IRX4: variants seen among roughly 807,000 people sequenced by gnomAD.
The protein encoded by IRX4 is iroquois-class homeodomain protein IRX-4.
IRX4 carries 22 observed loss-of-function variants against 32.0 expected under a neutral mutation model. The observed-to-expected ratio is 0.69, with a 90% CI of 0.49 to 0.98. The LOEUF (loss-of-function observed/expected upper bound fraction) is 0.98. IRX4 is among the 50% of genes least tolerant of loss of function. The pLI is 0.00. For missense variants in IRX4, 840 were observed against 744.2 expected (o/e 1.13, Z -1.50); for synonymous variants, 379 against 351.7 (o/e 1.08, Z -0.87).
rs561704242 is a variant in IRX4, at chr5:1,878,734, C to G, written c.795G>C (p.Pro265=). ...CGCACGCCGGCGGCTCTGCTTCCAG[C>G]GGGTCGAAGTCGTCCAAGTCACTAA... is the stretch of plus-strand genomic sequence containing the variant. ...LELSDLDDFD[P]LEAEPPACEL... Residue 265 remains proline, a synonymous_variant, in exon 5 of 5, where the codon CCG becomes CCC. Coordinates refer to ENST00000231357, the MANE Select transcript of IRX4 (RefSeq NM_016358.3). The G allele has an allele frequency of 4.3e-6, 7 of 1,613,006 alleles. No individual in the cohort carries two copies. The East Asian group carries it at 1.3e-4, about 31-fold the overall frequency.
chr5:1,880,188 A>T, intron 3 of IRX4: 1 of 1,447,642 alleles, frequency 6.9e-7, no homozygotes, highest in Non-Finnish European at 9.3e-7. Context: ...ACACCCTGAG[A>T]TGTAACACGT....
intron 1 of IRX4, 42 bp from the exon 2 acceptor site, chr5:1,882,101 G>C: frequency 6.5e-7 from 1 of 1,533,610 alleles, no homozygotes; most frequent in Non-Finnish European, 8.7e-7. Flanking sequence ...AGCCGGGCTG[G>C]AGGCTGGGGC....
At chr5:1,886,676 C>A (rs531673828), upstream of IRX4, among the ~76,000 whole-genome samples, 275 of 152,220 alleles carry the variant, frequency 1.8e-3, 2 homozygotes, top group African/African-American at 6.4e-3. Context: ...TCCGGGCGTC[C>A]AGGACTCAGG....
chr5:1,880,087 A>G, intron 3 of IRX4: 1 of 1,535,380 alleles, frequency 6.5e-7, no homozygotes, highest in Non-Finnish European at 8.7e-7. Context: ...GCTCCTTCCC[A>G]AGCCAGAGAG....
intron 4 of IRX4, 141 bp downstream of exon 4, chr5:1,879,363 C>G (rs980989076): frequency 7.4e-7 from 1 of 1,359,118 alleles, no homozygotes; most frequent in African/African-American, 1.4e-5. Flanking sequence ...CATTGGTAGC[C>G]TGAGGCAGAA....
chr5:1,881,694 C>A, intron 2 of IRX4, 114 bp downstream of exon 2: 1 of 1,307,156 alleles, frequency 7.7e-7, no homozygotes, highest in East Asian at 2.5e-5. Flanking sequence ...CCAAGGTGAG[C>A]GCCTCCCCTC....
rs751298529 is a variant in IRX4 at position 1,879,501 on chromosome 5, C to T, written c.736+3G>A. 1.0e-4 allele frequency: 169 copies of T among 1,612,948 alleles called. 1 individual carries two copies. In the South Asian group the frequency reaches 1.6e-3, roughly 15 times the overall value. On this transcript the variant is annotated splice_donor_region_variant and intron_variant, in intron 4 of 4. Transcript: ENST00000231357. ...AGCCCCCAGTGACAACCTCCCAACC[C>T]ACCTGCGTTCTTGGAGCTCTTGAGG...
chr5:1,882,617 A>C lies in IRX4; in HGVS notation c.31T>G (p.Ser11Ala). 6.9e-7 allele frequency: 1 copy of C among 1,450,440 alleles called. No individual in the cohort carries two copies. The highest frequency in any genetic ancestry group is 3.0e-5 in the Admixed American group (1 of 33,614). The allele number at this position is 1,450,440 out of a possible 1,614,324, so 89.8% of individuals were successfully genotyped here. Residue 11 changes from serine (S) to alanine (A), a missense_variant, in exon 1 of 5, where the codon TCC (serine) becomes GCC (alanine). This residue lies in a region of IRX4 where 241 missense variants were observed against 220.8 expected (regional missense o/e 1.09). Transcript: ENST00000231357. Reference sequence around the variant, plus strand: ...GCTCCGCTTACCTGGGGAGCCGAGGAGTAGGGGTATCCAAACTGCGGGTAG... The same window carrying C: ...GCTCCGCTTACCTGGGGAGCCGAGGCGTAGGGGTATCCAAACTGCGGGTAG... The part of the protein sequence containing the change: MSYPQFGYPY[S>A]SAPQFLMATN...
intron 3 of IRX4, 142 bp downstream of exon 3, chr5:1,880,583 C>T (rs1454929603): frequency 3.2e-6 from 2 of 632,222 alleles, no homozygotes; most frequent in Non-Finnish European, 5.7e-6. Context: ...AGACCACAGA[C>T]TCAGGTCATG....
rs1315022288 is a variant in IRX4, at chr5:1,882,887, C to T, written c.-240G>A. ...CGGAGGCTCGAGGGGGCTCTGGGAC[C>T]GAGCGGCCTCGCAGCGGCGACAGAA... On this transcript the variant is annotated 5_prime_UTR_variant, in exon 1 of 5. Transcript: ENST00000231357. 11 of 380,024 alleles carry T rather than the reference C, an allele frequency of 2.9e-5. No homozygotes were observed. Among genetic ancestry groups the T allele is most frequent in the Non-Finnish European group, 5.1e-5 (11 of 214,948 alleles). The allele number at this position is 380,024 out of a possible 1,614,324, so 23.5% of individuals were successfully genotyped here.
rs757910355 is a variant in IRX4, at chr5:1,878,103, C to T, written c.1426G>A (p.Ala476Thr). Residue 476 changes from alanine to threonine, a missense_variant, in exon 5 of 5, where the codon GCG (alanine) becomes ACG (threonine). By Grantham distance (58) the Ala-to-Thr change is moderately conservative (BLOSUM62 0). Transcript: ENST00000231357. ...DPGPLGRSLG[A>T]GANVLTAPLA... is the part of the protein sequence containing the mutation. ...GGTGCAGTCAGCACGTTCGCGCCCG[C>T]CCCCAGCGAGCGTCCCAGAGGCCCG... is the stretch of plus-strand genomic sequence containing the variant. 8.5e-6 allele frequency: 13 copies of T among 1,537,140 alleles called. No homozygotes were observed. In the Admixed American group the frequency reaches 2.5e-4, roughly 30 times the overall value.
chr5:1,883,701 T>C (rs1278521724), upstream of IRX4, among the ~76,000 whole-genome samples: 1 of 152,144 alleles, frequency 6.6e-6, no homozygotes, highest in Non-Finnish European at 1.5e-5. Flanking sequence ...CCGCGGTCTT[T>C]TAAGTTCCCG....
chr5:1,882,749 T>A lies in IRX4; in HGVS notation c.-102A>T. ...TCCGGAGCTGCAGGCTTCTAGGCGC[T>A]GGGAGGGCGAAGCAGGAGAGCCGGT... On this transcript the variant is annotated 5_prime_UTR_variant, in exon 1 of 5. Transcript: ENST00000231357. 1 of 708,638 alleles carries A rather than the reference T, an allele frequency of 1.4e-6. No individual in the cohort carries two copies. The highest frequency in any genetic ancestry group is 2.1e-6 in the Non-Finnish European group (1 of 478,376). 43.9% of individuals were successfully genotyped at this position (708,638 alleles called of 1,614,324 possible). A position where few individuals can be genotyped will look rare whatever the true frequency, so the allele number is the denominator to read the frequency against.
intron 3 of IRX4, chr5:1,880,090 C>A: frequency 6.5e-7 from 1 of 1,535,532 alleles, no homozygotes; most frequent in Non-Finnish European, 8.7e-7. Flanking sequence ...CCTTCCCAAG[C>A]CAGAGAGGTC....
chr5:1,886,712 C>CCCGCCCCGCG (rs1364633614), upstream of IRX4: 1 of 151,898 alleles, frequency 6.6e-6, no homozygotes, highest in Non-Finnish European at 1.5e-5. Flanking sequence ...CCCCCCACCC[C>CCCGCCCCGCG]CCGCCCCGCG....
chr5:1,881,026 T>G (rs1260361033), intron 2 of IRX4, 192 bp from the exon 3 acceptor site: 2 of 411,502 alleles, frequency 4.9e-6, no homozygotes, highest in Non-Finnish European at 8.8e-6. Flanking sequence ...ATGTTCTGAG[T>G]TGCAGAAGCA....
rs556323747 is a variant in IRX4 at position 1,879,880 on chromosome 5, A to G, written c.408-48T>C. ...GCTCAGGCTGGGCCCTCTGGGCCCC[A>G]GGCATCATGGGCATAGGGGTGGGGG... is the stretch of plus-strand genomic sequence containing the variant. On this transcript the variant is annotated intron_variant, in intron 3 of 4. Coordinates refer to ENST00000231357, the MANE Select transcript of IRX4 (RefSeq NM_016358.3). 5.0e-6 allele frequency: 8 copies of G among 1,607,194 alleles called. No homozygotes were observed. In the East Asian group the frequency reaches 1.6e-4, roughly 31 times the overall value.
chr5:1,879,184 G>A (rs1735335137), intron 4 of IRX4, among the ~76,000 whole-genome samples: 1 of 152,072 alleles, frequency 6.6e-6, no homozygotes, highest in East Asian at 1.9e-4. Flanking sequence ...GTAGAAACGA[G>A]GTTTCACCGT....
rs1561134615 is a variant in IRX4, at chr5:1,878,684, AGG to A, written c.843_844del (p.Leu282GlyfsTer83). On this transcript the variant is annotated frameshift_variant, in exon 5 of 5. Coordinates refer to ENST00000231357, the MANE Select transcript of IRX4 (RefSeq NM_016358.3). LOFTEE classifies it low-confidence loss of function (END_TRUNC). ...GGGGACGCGCTCCAGACCGCCGTCC[AGG>A]GAGTGGAAGGGCGGCTTCAGCTCGC... 6.2e-7 allele frequency: 1 copy of A among 1,605,976 alleles called. No individual in the cohort carries two copies. The highest frequency in any genetic ancestry group is 1.7e-5 in the Admixed American group (1 of 59,328).
Sources: gnomAD v4.1 joint callset for allele counts (sites outside exome capture counted in the v4.1 genomes callset) on GRCh38, gnomAD v4.1.1 for gene constraint, gnomAD v4.1.1 regional missense constraint, MANE v1.5 for transcripts, NCBI Gene and HGNC (gene_info 2026-07-23, HGNC 2026-07-21) for gene names.